AAK1: variants seen among roughly 807,000 people sequenced by gnomAD.
AAK1 encodes AP2 associated kinase 1, also known as AP2-associated protein kinase 1.
In AAK1, 37 loss-of-function variants were observed where a neutral mutation model predicts 116.0. The observed-to-expected ratio is 0.32, with a 90% CI of 0.25 to 0.42. The LOEUF is 0.42. Among genes scored for constraint, AAK1 ranks in the 10% least tolerant of loss-of-function variants. AAK1 has a pLI of 1.00. For missense variants in AAK1, 919 were observed against 1,170.6 expected, an observed-to-expected ratio of 0.79 and a Z score of 3.14; for synonymous variants, 458 against 439.9, an observed-to-expected ratio of 1.04 and a Z score of -0.51.
intron 2 of AAK1, among the ~76,000 whole-genome samples, chr2:69,589,569 C>A (rs570669964): frequency 6.6e-6 from 1 of 152,050 alleles, no homozygotes; most frequent in East Asian, 1.9e-4. Context: ...ATTAGCCGGG[C>A]TTGATGGCGC....
chr2:69,501,952 C>T (rs568561302), intron 16 of AAK1, among the ~76,000 whole-genome samples: 13 of 152,178 alleles, frequency 8.5e-5, no homozygotes, highest in African/African-American at 2.9e-4. Context: ...GCCTAGGCAA[C>T]AGAGCGAGAC....
chr2:69,545,749 T>C (rs1670897432), intron 3 of AAK1, among the ~76,000 whole-genome samples: 1 of 152,144 alleles, frequency 6.6e-6, no homozygotes, highest in South Asian at 2.1e-4. Flanking sequence ...CAGACAAAAG[T>C]AGAAAGGCTT....
At position 69,471,767 on chromosome 2, in the gene AAK1, G is replaced by C; in HGVS notation, c.*4102C>G. 1 of 985,474 alleles carries C rather than the reference G, an allele frequency of 1.0e-6. No homozygotes were observed. The highest frequency in any genetic ancestry group is 1.2e-6 in the Non-Finnish European group (1 of 829,942). 61.0% of individuals were successfully genotyped at this position (985,474 alleles called of 1,614,324 possible). On this transcript the variant is annotated 3_prime_UTR_variant, in exon 22 of 22. Coordinates refer to ENST00000409085, the MANE Select transcript of AAK1 (RefSeq NM_014911.5). The stretch of plus-strand genomic sequence containing the variant: ...GATCCCTCCACATCATAGGCTGTCA[G>C]CCCCAAAGATCCCTTCATTCCCACA...
At chr2:69,627,929 T>C (rs1429457411) in intron 2 of AAK1, among the ~76,000 whole-genome samples, 2 of 152,236 alleles carry the variant, frequency 1.3e-5, no homozygotes, top group Non-Finnish European at 2.9e-5. Context: ...CTTCTTTTTA[T>C]TGACACCATT....
intron 17 of AAK1, among the ~76,000 whole-genome samples, chr2:69,484,255 A>T (rs1191340868): frequency 6.6e-6 from 1 of 152,230 alleles, no homozygotes; most frequent in African/African-American, 2.4e-5. Context: ...ATTGATATTC[A>T]TGGAAAAACA....
intron 2 of AAK1, among the ~76,000 whole-genome samples, chr2:69,568,283 A>G (rs1440205943): frequency 6.6e-6 from 1 of 152,222 alleles, no homozygotes; most frequent in Non-Finnish European, 1.5e-5. Context: ...CAAAGCTTAC[A>G]CAGTTTTCCA....
At chr2:69,603,319 C>G (rs1322248116) in intron 2 of AAK1, among the ~76,000 whole-genome samples, 1 of 152,222 alleles carries the variant, frequency 6.6e-6, no homozygotes, top group East Asian at 1.9e-4. Flanking sequence ...GTCTTTCAAG[C>G]TTGTGAAAGC....
At chr2:69,554,019 G>C (rs1403221841) in intron 3 of AAK1, among the ~76,000 whole-genome samples, 2 of 151,900 alleles carry the variant, frequency 1.3e-5, no homozygotes, top group Non-Finnish European at 2.9e-5. Context: ...GGCGGCTGCA[G>C]TGAGCTATGA....
intron 18 of AAK1, 133 bp from the exon 19 acceptor site, chr2:69,481,094 C>T (rs1675072421): frequency 2.6e-6 from 2 of 761,732 alleles, no homozygotes; most frequent in East Asian, 6.0e-5. Context: ...CTCCTGAGCT[C>T]AAGCGATCTA....
chr2:69,466,460 G>A lies in AAK1; in HGVS notation c.*9409C>T, dbSNP rs1355560578. On this transcript the variant is annotated 3_prime_UTR_variant, in exon 22 of 22. Coordinates refer to ENST00000409085, the MANE Select transcript of AAK1 (RefSeq NM_014911.5). ...TCTTTGTGCCAGGTACTCTGGAGGG[G>A]TCTGGATACAGCGGAAGGCCTTTAA... 5 of 1,286,614 alleles carry A rather than the reference G, an allele frequency of 3.9e-6. No individual in the cohort carries two copies. In the East Asian group the frequency reaches 1.7e-4, roughly 43 times the overall value. The allele number at this position is 1,286,614 out of a possible 1,614,324, so 79.7% of individuals were successfully genotyped here.
At chr2:69,528,378 A>G (rs915360283) in intron 8 of AAK1, among the ~76,000 whole-genome samples, 9 of 152,156 alleles carry the variant, frequency 5.9e-5, no homozygotes, top group African/African-American at 9.7e-5. Context: ...GGTGTGCTGG[A>G]TGGATTGAAA....
At chr2:69,608,877 C>T (rs1673932830) in intron 2 of AAK1, among the ~76,000 whole-genome samples, 1 of 152,096 alleles carries the variant, frequency 6.6e-6, no homozygotes, top group African/African-American at 2.4e-5. Context: ...TACAATGCAT[C>T]AAAAACAATA....
Position 69,614,579 on chromosome 2 carries a change from C to T in AAK1, c.163+28299G>A, listed in dbSNP as rs866432924. On this transcript the variant is annotated intron_variant, in intron 2 of 21. Coordinates refer to ENST00000409085, the MANE Select transcript of AAK1 (RefSeq NM_014911.5). ...AAAAACAAAAACAAAAACCTTTGCTCCCAACACCCTGTCTCCTTCACCACT... is the reference window on the plus strand; with the variant it reads ...AAAAACAAAAACAAAAACCTTTGCTTCCAACACCCTGTCTCCTTCACCACT... Among the ~76,000 whole-genome samples, 14 of 152,290 alleles carry T rather than the reference C, an allele frequency of 9.2e-5. 1 individual carries two copies. In the Middle Eastern group the frequency reaches 0.024, roughly 259 times the overall value.
In AAK1 at chr2:69,468,874, C is replaced by T. The variant is rs1460140718; in HGVS notation, c.*6995G>A. 4 of 985,220 alleles carry T rather than the reference C, an allele frequency of 4.1e-6. No homozygotes were observed. In the East Asian group the frequency reaches 3.4e-4, roughly 84 times the overall value. 61.0% of individuals were successfully genotyped at this position (985,220 alleles called of 1,614,324 possible). ...TAAAAAGTGGGTTTTTGGTCGAGAA[C>T]CCATTTGGAAAACCTTCCAACTCAG... On this transcript the variant is annotated 3_prime_UTR_variant, in exon 22 of 22. Transcript: ENST00000409085.
chr2:69,463,354 T>C lies in AAK1; in HGVS notation c.*12515A>G, dbSNP rs1280147323. On this transcript the variant is annotated 3_prime_UTR_variant, in exon 22 of 22. Transcript: ENST00000409085. ...TCTTCCCATTGAGATACAGGCTTTA[T>C]TTTTATTATTATATTTTTGGAGACA... is the stretch of plus-strand genomic sequence containing the variant. 1 of 152,184 alleles carries C rather than the reference T, an allele frequency of 6.6e-6. No individual in the cohort carries two copies. The highest frequency in any genetic ancestry group is 1.5e-5 in the Non-Finnish European group (1 of 68,042). 9.4% of individuals were successfully genotyped at this position (152,184 alleles called of 1,614,324 possible).
At chr2:69,568,461 C>T (rs1026441984) in intron 2 of AAK1, among the ~76,000 whole-genome samples, 43 of 142,058 alleles carry the variant, frequency 3.0e-4, no homozygotes, top group Non-Finnish European at 6.3e-4. Context: ...GACAGGGTCT[C>T]GCTCTGTTAC....
intron 17 of AAK1, among the ~76,000 whole-genome samples, chr2:69,489,831 G>A (rs1675450038): frequency 6.6e-6 from 1 of 152,178 alleles, no homozygotes; most frequent in Non-Finnish European, 1.5e-5. Flanking sequence ...CAAACATCAT[G>A]CCCCATTCCA....
chr2:69,603,684 A>G (rs1425315856), intron 2 of AAK1, among the ~76,000 whole-genome samples: 3 of 152,248 alleles, frequency 2.0e-5, no homozygotes, highest in African/African-American at 4.8e-5. Flanking sequence ...ACATTTAGGT[A>G]TACAATTTAA....
intron 17 of AAK1, among the ~76,000 whole-genome samples, chr2:69,489,989 G>A (rs1009440521): frequency 6.6e-5 from 10 of 152,162 alleles, no homozygotes; most frequent in Non-Finnish European, 8.8e-5. Flanking sequence ...AAGAATGCCC[G>A]TCTTGACTAT....
Sources: allele counts gnomAD v4.1 joint callset (sites outside exome capture counted in the v4.1 genomes callset), GRCh38; gene constraint gnomAD v4.1.1; transcripts MANE v1.5; gene names NCBI Gene and HGNC (gene_info 2026-07-23, HGNC 2026-07-21).